The following ENTREP2 variants were observed in gnomAD, a reference collection of about 807,000 sequenced individuals.
ENTREP2 encodes the protein protein ENTREP2.
chr15:29,631,810 A>G, the ENTREP2 span, among the ~76,000 whole-genome samples: 1 of 152,312 alleles, frequency 6.6e-6, no homozygotes, highest in African/African-American at 2.4e-5. Flanking sequence ...GCTGCCAACA[A>G]CTTGCTGCCA....
chr15:29,291,782 C>T, the ENTREP2 span, among the ~76,000 whole-genome samples: 11 of 151,590 alleles, frequency 7.3e-5, no homozygotes, highest in African/African-American at 2.4e-4. Flanking sequence ...ATAACTATTT[C>T]GTGAATACCT....
At chr15:29,400,677 T>A in the ENTREP2 span, among the ~76,000 whole-genome samples, 1 of 152,196 alleles carries the variant, frequency 6.6e-6, no homozygotes, top group Non-Finnish European at 1.5e-5. Context: ...AGTAAGCCTT[T>A]TAAGGCACCA....
At chr15:29,551,113 G>A in the ENTREP2 span, among the ~76,000 whole-genome samples, 1 of 152,146 alleles carries the variant, frequency 6.6e-6, no homozygotes, top group South Asian at 2.1e-4. Flanking sequence ...AACATGGTTT[G>A]AACACCCTTC....
the ENTREP2 span, among the ~76,000 whole-genome samples, chr15:29,217,530 A>G: frequency 4.6e-5 from 7 of 152,072 alleles, no homozygotes; most frequent in African/African-American, 1.7e-4. Flanking sequence ...TCTTTCTTCT[A>G]CTTGTTGAAT....
At chr15:29,162,696 A>G in the ENTREP2 span, among the ~76,000 whole-genome samples, 1 of 130,946 alleles carries the variant, frequency 7.6e-6, no homozygotes. Flanking sequence ...GCCTGGCCCC[A>G]CCCCCACCTG....
chr15:29,414,413 G>A, the ENTREP2 span, among the ~76,000 whole-genome samples: 1 of 152,072 alleles, frequency 6.6e-6, no homozygotes, highest in Admixed American at 6.5e-5. Context: ...GGTACATCAC[G>A]AAATGAAGGC....
chr15:29,378,700 TG>T, the ENTREP2 span, among the ~76,000 whole-genome samples: 30 of 152,312 alleles, frequency 2.0e-4, no homozygotes, highest in African/African-American at 7.0e-4. Context: ...TTCCCACAAC[TG>T]CGTGAGCCAA....
At chr15:29,212,294 T>A in the ENTREP2 span, among the ~76,000 whole-genome samples, 1 of 152,198 alleles carries the variant, frequency 6.6e-6, no homozygotes. Context: ...TGAATGATCT[T>A]TTGTGTTTCA....
chr15:29,351,989 T>C, the ENTREP2 span, among the ~76,000 whole-genome samples: 76 of 151,762 alleles, frequency 5.0e-4, 1 homozygote, highest in African/African-American at 1.8e-3. Flanking sequence ...GGCAACAATG[T>C]AGTGGCACAA....
the ENTREP2 span, among the ~76,000 whole-genome samples, chr15:29,138,820 G>A: frequency 2.0e-5 from 3 of 151,866 alleles, no homozygotes; most frequent in South Asian, 6.2e-4. Context: ...TGGGGACTGC[G>A]CTCCCCAAAG....
At chr15:29,374,760 TTGAAAAAATG>T in the ENTREP2 span, 1 of 152,216 alleles carries the variant, frequency 6.6e-6, no homozygotes, top group East Asian at 1.9e-4. Context: ...CATATTTTTG[TTGAAAAAATG>T]TTTTTTCTCT....
the ENTREP2 span, among the ~76,000 whole-genome samples, chr15:29,605,043 C>T: frequency 2.0e-5 from 3 of 152,136 alleles, no homozygotes; most frequent in African/African-American, 7.2e-5. Context: ...AGATAGATAA[C>T]GTTTAAACTG....
chr15:29,462,477 G>C, the ENTREP2 span, among the ~76,000 whole-genome samples: 1 of 151,944 alleles, frequency 6.6e-6, no homozygotes, highest in Non-Finnish European at 1.5e-5. Flanking sequence ...AGGTGTGGTG[G>C]GCCACACCTG....
At chr15:29,149,339 A>G in the ENTREP2 span, among the ~76,000 whole-genome samples, 1 of 152,220 alleles carries the variant, frequency 6.6e-6, no homozygotes, top group Non-Finnish European at 1.5e-5. Context: ...ATGGCTTTAC[A>G]TAGTACTAGA....
chr15:29,466,830 ATG>A, the ENTREP2 span, among the ~76,000 whole-genome samples: 2 of 133,024 alleles, frequency 1.5e-5, no homozygotes, highest in Non-Finnish European at 3.2e-5. Context: ...CCAGGGGAGG[ATG>A]CTGCAGCCCC....
chr15:29,423,688 C>T, the ENTREP2 span, among the ~76,000 whole-genome samples: 1 of 151,788 alleles, frequency 6.6e-6, no homozygotes, highest in Non-Finnish European at 1.5e-5. Flanking sequence ...GTCCCAGCTA[C>T]GCCAGAGGCT....
chr15:29,594,509 AAACTAT>A, the ENTREP2 span, among the ~76,000 whole-genome samples: 1 of 152,096 alleles, frequency 6.6e-6, no homozygotes, highest in African/African-American at 2.4e-5. Flanking sequence ...CTCCCCTATT[AAACTAT>A]AAGAATCGAT....
At chr15:29,471,695 G>A in the ENTREP2 span, among the ~76,000 whole-genome samples, 1,932 of 152,298 alleles carry the variant, frequency 0.013, 36 homozygotes, top group African/African-American at 0.045. Flanking sequence ...CCCCGCACCC[G>A]CCAGTAGGAC....
chr15:29,437,374 A>G, the ENTREP2 span, among the ~76,000 whole-genome samples: 1 of 152,238 alleles, frequency 6.6e-6, no homozygotes, highest in East Asian at 1.9e-4. Flanking sequence ...AAATAAGCTG[A>G]TATTTAGATT....
Sources: gnomAD v4.1 joint callset for allele counts (sites outside exome capture counted in the v4.1 genomes callset) on GRCh38, gnomAD v4.1.1 for gene constraint, MANE v1.5 for transcripts, NCBI Gene and HGNC (gene_info 2026-07-23, HGNC 2026-07-21) for gene names.